The following PCDHA9 variants were observed in gnomAD, a reference collection of about 807,000 sequenced individuals.
The protein encoded by PCDHA9 is protocadherin alpha 9, also known as protocadherin alpha-9.
A neutral mutation model predicts 62.0 loss-of-function variants in PCDHA9; 62 were observed. The observed-to-expected ratio is 1.00, with a 90% confidence interval of 0.81 to 1.23. The LOEUF is 1.23. Ranked by LOEUF, PCDHA9 falls within the 50% of genes most tolerant of loss-of-function variation. The pLI is 0.00. For missense variants in PCDHA9, 1,205 were observed against 1,249.8 expected (o/e 0.96, Z 0.54); for synonymous variants, 557 against 567.6 (o/e 0.98, Z 0.27).
At position 140,937,140 on chromosome 5, in the gene PCDHA9, C is replaced by T. The variant is rs553273845; in HGVS notation, c.2395-41809C>T. Among the ~76,000 whole-genome samples, 820 of 151,358 alleles carry T rather than the reference C, an allele frequency of 5.4e-3. 1 individual carries two copies. The highest frequency in any genetic ancestry group is 0.019 in the African/African-American group (789 of 41,228). On this transcript the variant is annotated intron_variant, in intron 1 of 3. Transcript: ENST00000532602. Reference sequence around the variant, plus strand: ...GCAAGCTCCGCCTCCCGGGTTCATGCCATTCTCCTGCCTCAGCCTCCCGAG... The same window carrying T: ...GCAAGCTCCGCCTCCCGGGTTCATGTCATTCTCCTGCCTCAGCCTCCCGAG...
chr5:140,937,292 C>T (rs575821972), intron 1 of PCDHA9, among the ~76,000 whole-genome samples: 2 of 152,238 alleles, frequency 1.3e-5, no homozygotes, highest in African/African-American at 4.8e-5. Context: ...CCGCTTCGGC[C>T]TCCCAAAGTG....
rs376781836 is a variant in PCDHA9 at position 140,858,274 on chromosome 5, G to A, written c.2394+7385G>A. On this transcript the variant is annotated intron_variant, in intron 1 of 3. Coordinates refer to ENST00000532602, the MANE Select transcript of PCDHA9 (RefSeq NM_031857.2). ...AGCCCACGCTGGTGTGCTCTAGCGCGGTGGGGAGCTGGTCTTACTCGCAGC... is the reference window on the plus strand; with the variant it reads ...AGCCCACGCTGGTGTGCTCTAGCGCAGTGGGGAGCTGGTCTTACTCGCAGC... The A allele has an allele frequency of 1.3e-5, 21 of 1,597,416 alleles. 1 individual carries two copies. The African/African-American group carries it at 2.6e-4, about 19-fold the overall frequency.
intron 1 of PCDHA9, chr5:140,851,286 C>T (rs956539821): frequency 9.6e-7 from 1 of 1,038,578 alleles, no homozygotes; most frequent in South Asian, 4.4e-5. Context: ...TATAAGAAAC[C>T]CAAGCAAAAA....
chr5:140,892,219 A>T (rs1248122428), intron 1 of PCDHA9, among the ~76,000 whole-genome samples: 2 of 152,118 alleles, frequency 1.3e-5, no homozygotes, highest in Non-Finnish European at 2.9e-5. Flanking sequence ...TTGTATCTTT[A>T]TGGTGTTTTG....
intron 1 of PCDHA9, chr5:140,968,757 A>G (rs1488596963): frequency 6.2e-7 from 1 of 1,614,204 alleles, no homozygotes; most frequent in Non-Finnish European, 8.5e-7. Flanking sequence ...GTGGTCCGAG[A>G]TAATGGAGAG....
At chr5:140,926,538 G>T (rs155362) in intron 1 of PCDHA9, 176,859 of 210,462 alleles carry the variant, frequency 0.84, 75,003 homozygotes, top group African/African-American at 0.96. Context: ...CAGCCAGCGT[G>T]GTGGTCGAGA....
chr5:140,983,897 G>A (rs155365), intron 3 of PCDHA9, among the ~76,000 whole-genome samples: 149,305 of 152,360 alleles, frequency 0.98, 73,183 homozygotes, highest in Middle Eastern at 1. Flanking sequence ...AAGGGCATTC[G>A]TTGATTCTAA....
intron 1 of PCDHA9, among the ~76,000 whole-genome samples, chr5:140,909,973 G>A (rs2074802854): frequency 6.6e-6 from 1 of 152,198 alleles, no homozygotes; most frequent in Admixed American, 6.5e-5. Context: ...GGGGAAGGAT[G>A]GGAGAAAGAC....
At chr5:140,877,811 G>A in intron 1 of PCDHA9, 1 of 1,610,242 alleles carries the variant, frequency 6.2e-7, no homozygotes, top group Non-Finnish European at 8.5e-7. Context: ...CAGCTGTCTC[G>A]AGAAGATTGT....
intron 1 of PCDHA9, chr5:140,853,775 G>GT: frequency 1.0e-6 from 1 of 987,698 alleles, no homozygotes; most frequent in East Asian, 1.1e-4. Context: ...TCTGAAATGG[G>GT]TAGTAAGAGC....
At chr5:140,876,480 C>T (rs368324550) in intron 1 of PCDHA9, 10 of 1,613,874 alleles carry the variant, frequency 6.2e-6, no homozygotes, top group Non-Finnish European at 8.5e-6. Context: ...ACAGCATGGT[C>T]CTGGTGGAAG....
intron 3 of PCDHA9, among the ~76,000 whole-genome samples, chr5:140,996,540 T>C (rs2097730922): frequency 1.3e-5 from 2 of 152,218 alleles, no homozygotes. Flanking sequence ...TGTTTTGATA[T>C]TATGCTGTCA....
chr5:140,954,673 CTT>C (rs1173553071), intron 1 of PCDHA9, among the ~76,000 whole-genome samples: 2 of 152,076 alleles, frequency 1.3e-5, no homozygotes, highest in South Asian at 4.1e-4. Flanking sequence ...GGATATTAGA[CTT>C]TTGTCAGATG....
At chr5:140,855,343 C>A (rs2043435489) in intron 1 of PCDHA9, among the ~76,000 whole-genome samples, 1 of 149,746 alleles carries the variant, frequency 6.7e-6, no homozygotes, top group African/African-American at 2.5e-5. Context: ...ACGATTTTCC[C>A]AAGTCATGTG....
At chr5:140,947,134 A>T in intron 1 of PCDHA9, among the ~76,000 whole-genome samples, 1 of 151,648 alleles carries the variant, frequency 6.6e-6, no homozygotes, top group Admixed American at 6.6e-5. Context: ...AAAAATAGTA[A>T]AATGTATAGT....
intron 1 of PCDHA9, chr5:140,853,989 C>A: frequency 4.0e-6 from 2 of 494,684 alleles, no homozygotes; most frequent in Non-Finnish European, 5.4e-6. Context: ...TGTAGTGAGA[C>A]TCATCTCTGC....
intron 1 of PCDHA9, among the ~76,000 whole-genome samples, chr5:140,933,870 T>C (rs2089481018): frequency 6.6e-6 from 1 of 152,092 alleles, no homozygotes. Context: ...CAGATATATG[T>C]TAGTTTTATC....
chr5:140,954,225 A>C (rs1554221300), intron 1 of PCDHA9, among the ~76,000 whole-genome samples: 2 of 152,242 alleles, frequency 1.3e-5, no homozygotes, highest in African/African-American at 4.8e-5. Context: ...TGCTATTGTG[A>C]ATAGTGCTGC....
At chr5:140,917,151 G>T (rs974449842) in intron 1 of PCDHA9, among the ~76,000 whole-genome samples, 2 of 152,160 alleles carry the variant, frequency 1.3e-5, no homozygotes, top group Non-Finnish European at 2.9e-5. Flanking sequence ...TGCTGCTGGG[G>T]GATATGGGAG....
Sources: allele counts gnomAD v4.1 joint callset (sites outside exome capture counted in the v4.1 genomes callset), GRCh38; gene constraint gnomAD v4.1.1; transcripts MANE v1.5; gene names NCBI Gene and HGNC (gene_info 2026-07-23, HGNC 2026-07-21).